The following SLN variants were observed in gnomAD, a reference collection of about 807,000 sequenced individuals.
SLN encodes sarcolipin.
For synonymous variants in SLN, 19 were observed against 14.4 expected (o/e 1.32, Z -0.72); for missense variants, 34 against 37.4 (o/e 0.91, Z 0.24).
At chr11:107,709,825 C>A (rs1356672642) in intron 1 of SLN, among the ~76,000 whole-genome samples, 1 of 152,080 alleles carries the variant, frequency 6.6e-6, no homozygotes, top group Admixed American at 6.5e-5. Context: ...CCAATGAAAA[C>A]CATTACAAAT....
chr11:107,709,675 T>C (rs7103205), intron 1 of SLN, among the ~76,000 whole-genome samples: 35,454 of 151,818 alleles, frequency 0.23, 4,308 homozygotes, highest in African/African-American at 0.3. Flanking sequence ...AATGAGACCC[T>C]GTCTCAAAAA....
chr11:107,708,164 A>G (rs1867175770), intron 1 of SLN, among the ~76,000 whole-genome samples, 159 bp from the exon 2 acceptor site: 1 of 152,150 alleles, frequency 6.6e-6, no homozygotes, highest in Admixed American at 6.6e-5. Flanking sequence ...GCCCTAGCTC[A>G]CAGTATCTCA....
At chr11:107,708,300 G>T (rs1035021452) in intron 1 of SLN, among the ~76,000 whole-genome samples, 1 of 152,022 alleles carries the variant, frequency 6.6e-6, no homozygotes, top group African/African-American at 2.4e-5. Flanking sequence ...ACAGACACAT[G>T]CAGAGGGGAA....
chr11:107,707,386 GTTGAC>G lies in SLN; in HGVS notation c.*444_*448del, dbSNP rs1867166335. 6.5e-6 allele frequency: 1 copy of G among 153,698 alleles called. No individual in the cohort carries two copies. The highest frequency in any genetic ancestry group is 1.4e-5 in the Non-Finnish European group (1 of 69,122). The allele number at this position is 153,698 out of a possible 1,614,324, so 9.5% of individuals were successfully genotyped here. On this transcript the variant is annotated 3_prime_UTR_variant, in exon 2 of 2. Coordinates refer to ENST00000305991, the MANE Select transcript of SLN (RefSeq NM_003063.3). Reference sequence around the variant, plus strand: ...ATAAGTTCTAGAAGTTGTTTTTGAAGTTGACTTAACTTTATTCACATGATAGCTAT... The same window carrying G: ...ATAAGTTCTAGAAGTTGTTTTTGAAGTTAACTTTATTCACATGATAGCTAT...
chr11:107,709,586 C>A (rs1010148418), intron 1 of SLN, among the ~76,000 whole-genome samples: 2 of 152,068 alleles, frequency 1.3e-5, no homozygotes, highest in African/African-American at 2.4e-5. Flanking sequence ...GCAGTCGGTA[C>A]CTGTAGTCCT....
At chr11:107,709,518 T>G (rs1867189010) in intron 1 of SLN, among the ~76,000 whole-genome samples, 1 of 152,222 alleles carries the variant, frequency 6.6e-6, no homozygotes, top group Non-Finnish European at 1.5e-5. Context: ...AAATGCCAAC[T>G]GAATGATCAT....
chr11:107,707,898 G>A lies in SLN; in HGVS notation c.33C>T (p.Asn11=), dbSNP rs368606162. 33 of 1,613,892 alleles carry A rather than the reference G, an allele frequency of 2.0e-5. No individual in the cohort carries two copies. The African/African-American group carries it at 2.4e-4, about 12-fold the overall frequency. ...TAACCGTAATCAAGACAATAGTGAA[G>A]TTGAGAAACAGCTCCCGGGTGTTTA... MGINTRELFL[N]FTIVLITVIL... Residue 11 remains asparagine (N), a synonymous_variant, in exon 2 of 2, where the codon AAC becomes AAT. Transcript: ENST00000305991.
At position 107,711,124 on chromosome 11, in the gene SLN, T is replaced by C. The variant is rs1261590259; in HGVS notation, c.-76+839A>G. On this transcript the variant is annotated intron_variant, in intron 1 of 1. Transcript: ENST00000305991. ...CATCTTGGGGCAGAATGGGGGTTGATCAAGAATGGGCTTCTGGGTGCTGGC... is the reference window on the plus strand; with the variant it reads ...CATCTTGGGGCAGAATGGGGGTTGACCAAGAATGGGCTTCTGGGTGCTGGC... Among the ~76,000 whole-genome samples the C allele has an allele frequency of 2.0e-5, 3 of 152,164 alleles. No homozygotes were observed. The South Asian group carries it at 6.2e-4, about 32-fold the overall frequency.
chr11:107,708,693 T>C (rs113155868), intron 1 of SLN, among the ~76,000 whole-genome samples: 87 of 152,318 alleles, frequency 5.7e-4, no homozygotes, highest in Admixed American at 1.0e-3. Flanking sequence ...AAATGTGAAA[T>C]ATTACATTTT....
At position 107,708,735 on chromosome 11, in the gene SLN, T is replaced by C. The variant is rs1242278023; in HGVS notation, c.-75-730A>G. 2.0e-5 allele frequency among the ~76,000 whole-genome samples: 3 copies of C among 152,320 alleles called. No individual in the cohort carries two copies. The East Asian group carries it at 5.8e-4, about 29-fold the overall frequency. On this transcript the variant is annotated intron_variant, in intron 1 of 1. Transcript: ENST00000305991. ...TCCAACTTCTGTGTGTGTTTGCGTG[T>C]GTGCGTATGCATGTGTATACTTTTC...
intron 1 of SLN, among the ~76,000 whole-genome samples, chr11:107,710,382 A>G (rs1412847557): frequency 1.3e-5 from 2 of 152,236 alleles, no homozygotes; most frequent in Admixed American, 1.3e-4. Flanking sequence ...TGAGAAAAAT[A>G]CTATTGAAAG....
intron 1 of SLN, among the ~76,000 whole-genome samples, chr11:107,710,898 G>C (rs1290804231): frequency 6.6e-6 from 1 of 152,136 alleles, no homozygotes; most frequent in African/African-American, 2.4e-5. Context: ...ATAAAGCAAA[G>C]AAAATATATG....
chr11:107,709,479 T>C lies in SLN; in HGVS notation c.-75-1474A>G, dbSNP rs79713302. ...AATTGTAATTACTGTATTGATTATATTATCAATGGACCAAATTGTTAATTG... is the reference window on the plus strand; with the variant it reads ...AATTGTAATTACTGTATTGATTATACTATCAATGGACCAAATTGTTAATTG... On this transcript the variant is annotated intron_variant, in intron 1 of 1. Coordinates refer to ENST00000305991, the MANE Select transcript of SLN (RefSeq NM_003063.3). Among the ~76,000 whole-genome samples the C allele has an allele frequency of 5.9e-5, 9 of 152,342 alleles. No homozygotes were observed. In the East Asian group the frequency reaches 1.7e-3, roughly 29 times the overall value.
chr11:107,707,803 C>A lies in SLN; in HGVS notation c.*32G>T. On this transcript the variant is annotated 3_prime_UTR_variant, in exon 2 of 2. Coordinates refer to ENST00000305991, the MANE Select transcript of SLN (RefSeq NM_003063.3). ...CATAGAGCAGGCAGCTCCGGAGCAT[C>A]TCAGTCAATCCCAGGACCATGGCAT... The A allele has an allele frequency of 6.5e-7, 1 of 1,529,090 alleles. No individual in the cohort carries two copies. The highest frequency in any genetic ancestry group is 9.1e-7 in the Non-Finnish European group (1 of 1,103,490). The allele number at this position is 1,529,090 out of a possible 1,614,324, so 94.7% of individuals were successfully genotyped here.
At chr11:107,709,585 A>T (rs748018629) in intron 1 of SLN, among the ~76,000 whole-genome samples, 2 of 152,172 alleles carry the variant, frequency 1.3e-5, no homozygotes, top group African/African-American at 2.4e-5. Flanking sequence ...GGCAGTCGGT[A>T]CCTGTAGTCC....
chr11:107,710,903 T>C (rs1290722519), intron 1 of SLN, among the ~76,000 whole-genome samples: 2 of 152,180 alleles, frequency 1.3e-5, no homozygotes, highest in Non-Finnish European at 2.9e-5. Context: ...GCAAAGAAAA[T>C]ATATGAACTA....
intron 1 of SLN, among the ~76,000 whole-genome samples, chr11:107,710,072 G>A (rs1344756251): frequency 6.6e-6 from 1 of 152,226 alleles, no homozygotes; most frequent in African/African-American, 2.4e-5. Context: ...GTACAAAAGA[G>A]CAGAGGAGAA....
chr11:107,711,645 G>C (rs1055256546), intron 1 of SLN, among the ~76,000 whole-genome samples: 29 of 152,038 alleles, frequency 1.9e-4, no homozygotes, highest in African/African-American at 7.0e-4. Flanking sequence ...AACCCAAAAA[G>C]CTCTGAATAA....
chr11:107,707,643 C>A lies in SLN; in HGVS notation c.*192G>T. ...GTTCCCTGGCAAACACTTGGCAGCCCTTGGGAGCAGCATCTTTGGAGAACA... is the reference window on the plus strand; with the variant it reads ...GTTCCCTGGCAAACACTTGGCAGCCATTGGGAGCAGCATCTTTGGAGAACA... On this transcript the variant is annotated 3_prime_UTR_variant, in exon 2 of 2. Transcript: ENST00000305991. 1 of 514,934 alleles carries A rather than the reference C, an allele frequency of 1.9e-6. No homozygotes were observed. The highest frequency in any genetic ancestry group is 3.5e-6 in the Non-Finnish European group (1 of 289,722). The allele number at this position is 514,934 out of a possible 1,614,324, so 31.9% of individuals were successfully genotyped here.
Sources: allele counts gnomAD v4.1 joint callset (sites outside exome capture counted in the v4.1 genomes callset), GRCh38; gene constraint gnomAD v4.1.1; transcripts MANE v1.5; gene names NCBI Gene and HGNC (gene_info 2026-07-23, HGNC 2026-07-21).